Variants in REV3L observed in about 807,000 individuals in gnomAD.
REV3L encodes the protein REV3 like, DNA directed polymerase zeta catalytic subunit, also known as DNA polymerase zeta catalytic subunit.
In REV3L, 69 loss-of-function variants were observed where a neutral mutation model predicts 299.4. That is an observed-to-expected ratio of 0.23 (90% CI 0.19 to 0.28). The LOEUF (loss-of-function observed/expected upper bound fraction) is 0.28, where lower values mean the gene tolerates loss of function less well. Ranked by LOEUF, REV3L falls within the 10% of genes least tolerant of loss-of-function variation. REV3L has a pLI of 1.00. For synonymous variants in REV3L, 1,238 were observed against 1,271.4 expected, an observed-to-expected ratio of 0.97 and a Z score of 0.56; for missense variants, 3,128 against 3,693.8, an observed-to-expected ratio of 0.85 and a Z score of 3.97.
upstream of REV3L, chr6:111,483,619 A>C (rs371477876): frequency 1.7e-3 from 763 of 444,084 alleles, 9 homozygotes; most frequent in South Asian, 0.012. Flanking sequence ...GCCATTTCAC[A>C]TCCAGCAGAG....
chr6:111,384,545 A>ATC (rs1781146670), intron 9 of REV3L, among the ~76,000 whole-genome samples: 1 of 152,198 alleles, frequency 6.6e-6, no homozygotes, highest in South Asian at 2.1e-4. Flanking sequence ...ACAATGAGAA[A>ATC]TCATCTCACC....
rs1362887845 is a variant in REV3L at position 111,381,289 on chromosome 6, A to G, written c.1216+36T>C. On this transcript the variant is annotated intron_variant, in intron 10 of 31. Transcript: ENST00000368802. ...TCACAACACACATTTTCTCTGAATT[A>G]CAATACTGAATATTTATGGTAGCAC... is the stretch of plus-strand genomic sequence containing the variant. 1.9e-6 allele frequency: 3 copies of G among 1,605,082 alleles called. No individual in the cohort carries two copies. In the South Asian group the frequency reaches 3.4e-5, roughly 18 times the overall value.
intron 4 of REV3L, among the ~76,000 whole-genome samples, chr6:111,404,099 C>T (rs1029113107): frequency 4.6e-5 from 7 of 152,180 alleles, no homozygotes; most frequent in Non-Finnish European, 8.8e-5. Flanking sequence ...GATTTCAAAG[C>T]TTCAAAGGAC....
intron 1 of REV3L, among the ~76,000 whole-genome samples, chr6:111,451,242 A>G (rs1789503811): frequency 6.6e-6 from 1 of 152,204 alleles, no homozygotes; most frequent in South Asian, 2.1e-4. Context: ...TATATTTATT[A>G]TATAGTCCAA....
chr6:111,420,225 C>G (rs904735906), intron 1 of REV3L, among the ~76,000 whole-genome samples: 10 of 152,130 alleles, frequency 6.6e-5, no homozygotes. Context: ...ATCCCTACCC[C>G]TTCAACTCTA....
chr6:111,473,687 G>A (rs1450226517), intron 1 of REV3L, among the ~76,000 whole-genome samples: 1 of 151,980 alleles, frequency 6.6e-6, no homozygotes, highest in Non-Finnish European at 1.5e-5. Context: ...AACTACATAT[G>A]TGCAGTTCTT....
chr6:111,430,496 G>T lies in REV3L; in HGVS notation c.140-14024C>A, dbSNP rs546589958. On this transcript the variant is annotated intron_variant, in intron 1 of 31. Transcript: ENST00000368802. ...TTTATTATAAAGCTGCAAAGAAGCG[G>T]TTGCACTCGGGGATGAAAATTCTTA... 9 of 1,548,626 alleles carry T rather than the reference G, an allele frequency of 5.8e-6. No homozygotes were observed. In the African/African-American group the frequency reaches 1.2e-4, roughly 21 times the overall value.
chr6:111,325,960 C>T (rs1199267019), intron 25 of REV3L, among the ~76,000 whole-genome samples: 1 of 152,156 alleles, frequency 6.6e-6, no homozygotes, highest in Non-Finnish European at 1.5e-5. Context: ...CATCATTCTA[C>T]TCTCTATCTC....
At chr6:111,311,511 ATT>A (rs1427365387) in intron 28 of REV3L, 1 of 312,338 alleles carries the variant, frequency 3.2e-6, no homozygotes, top group Non-Finnish European at 5.8e-6. Flanking sequence ...GCAAATTAAC[ATT>A]TGTCATGTGA....
intron 1 of REV3L, among the ~76,000 whole-genome samples, chr6:111,478,885 T>C (rs1793267528): frequency 6.6e-6 from 1 of 152,192 alleles, no homozygotes; most frequent in South Asian, 2.1e-4. Context: ...CCCTCTATAG[T>C]CTGTCTGGCC....
rs754838350 is a variant in REV3L at position 111,375,234 on chromosome 6, T to C, written c.3121A>G (p.Thr1041Ala). 6.2e-7 allele frequency: 1 copy of C among 1,612,702 alleles called. No homozygotes were observed. Among genetic ancestry groups the C allele is most frequent in the African/African-American group, 1.3e-5 (1 of 74,928 alleles). Residue 1041 changes from threonine to alanine, a missense_variant, in exon 13 of 32, where the codon ACA (threonine) becomes GCA (alanine). Transcript: ENST00000368802. ...TTTCTTCTGTGACTTTTCTTTGGTG[T>C]TAGTGGATAAATGGGATATTTGGTT... The part of the protein sequence containing the change: ...PATKYPIYPL[T>A]PKKSHRRKSK...
In REV3L at chr6:111,343,959, A is replaced by G; in HGVS notation, c.7504T>C (p.Ser2502Pro). 6.2e-7 allele frequency: 1 copy of G among 1,612,786 alleles called. No individual in the cohort carries two copies. Among genetic ancestry groups the G allele is most frequent in the Non-Finnish European group, 8.5e-7 (1 of 1,179,166 alleles). Reference protein sequence around the residue: ...RFPLFTFRVLSDWFDNKTDLY... With the variant: ...RFPLFTFRVLPDWFDNKTDLY... ...TCTGTCTTGTTATCAAACCAGTCTG[A>G]CAAGACTCGAAAGGTAAAGAGGGGA... is the stretch of plus-strand genomic sequence containing the variant. Residue 2502 changes from serine (S) to proline (P), a missense_variant, in exon 21 of 32, where the codon TCA becomes CCA. Physicochemically the swap from Ser to Pro is moderately conservative, Grantham distance 74. Around this residue, in one of 9 missense-constraint regions of REV3L, gnomAD observed 149 missense variants for 286.4 expected, o/e 0.52. Coordinates refer to ENST00000368802, the MANE Select transcript of REV3L (RefSeq NM_001372078.1).
At chr6:111,379,934 C>A in intron 11 of REV3L, 48 bp downstream of exon 11, 2 of 1,073,516 alleles carry the variant, frequency 1.9e-6, no homozygotes, top group African/African-American at 1.6e-5. Flanking sequence ...GATTGAAGGA[C>A]AATAATGATA....
chr6:111,452,102 A>G (rs991409751), intron 1 of REV3L, among the ~76,000 whole-genome samples: 4 of 152,344 alleles, frequency 2.6e-5, no homozygotes, highest in East Asian at 1.9e-4. Context: ...ATGCACACTA[A>G]AAGATGTTCA....
At chr6:111,383,169 C>T (rs938640816) in intron 9 of REV3L, among the ~76,000 whole-genome samples, 3 of 152,176 alleles carry the variant, frequency 2.0e-5, no homozygotes, top group African/African-American at 4.8e-5. Context: ...CCAGTGCATT[C>T]ACAGCACTGG....
At chr6:111,401,175 C>T (rs1783047488) in intron 4 of REV3L, among the ~76,000 whole-genome samples, 2 of 152,068 alleles carry the variant, frequency 1.3e-5, no homozygotes, top group African/African-American at 4.8e-5. Context: ...TAGTAAGTCT[C>T]GAAAGTGGGT....
At position 111,367,987 on chromosome 6, in the gene REV3L, G is replaced by C. The variant is rs1302110884; in HGVS notation, c.5801C>G (p.Ala1934Gly). 2 of 1,612,280 alleles carry C rather than the reference G, an allele frequency of 1.2e-6. No homozygotes were observed. The highest frequency in any genetic ancestry group is 1.3e-5 in the African/African-American group (1 of 74,888). Residue 1934 changes from alanine to glycine, a missense_variant, in exon 14 of 32, where the codon GCA (alanine) becomes GGA (glycine). Ala to Gly is a moderately conservative substitution (Grantham distance 60). Around this residue, in one of 9 missense-constraint regions of REV3L, gnomAD observed 2,409 missense variants for 2,611.8 expected, o/e 0.92. Coordinates refer to ENST00000368802, the MANE Select transcript of REV3L (RefSeq NM_001372078.1). ...TCCCTCAAACTCAGCCAGATCATTT[G>C]CAAGTCGAGTTTCTACCATGAGGAG... Reference protein sequence around the residue: ...GRLLMVETRLANDLAEFEGDF... With the variant: ...GRLLMVETRLGNDLAEFEGDF...
chr6:111,431,175 G>A (rs1225960197), intron 1 of REV3L: 17 of 1,562,314 alleles, frequency 1.1e-5, no homozygotes, highest in Middle Eastern at 2.3e-4. Context: ...TTTTGGCCAC[G>A]TGCCAAGATT....
At chr6:111,467,227 A>C (rs1359322671) in intron 1 of REV3L, among the ~76,000 whole-genome samples, 1 of 152,256 alleles carries the variant, frequency 6.6e-6, no homozygotes, top group Non-Finnish European at 1.5e-5. Context: ...ATACCTTTTT[A>C]TACAAAAGTC....
Sources: gnomAD v4.1 joint callset for allele counts (sites outside exome capture counted in the v4.1 genomes callset) on GRCh38, gnomAD v4.1.1 for gene constraint, gnomAD v4.1.1 regional missense constraint, MANE v1.5 for transcripts, NCBI Gene and HGNC (gene_info 2026-07-23, HGNC 2026-07-21) for gene names.